Variants in DENND2A observed in about 807,000 individuals in gnomAD.
DENND2A encodes DENN domain-containing protein 2A.
In DENND2A, 53 loss-of-function variants were observed where a neutral mutation model predicts 105.3. The observed-to-expected ratio is 0.50, with a 90% CI of 0.40 to 0.63. The LOEUF (loss-of-function observed/expected upper bound fraction) is 0.63. Among genes scored for constraint, DENND2A ranks in the 30% least tolerant of loss-of-function variants. The pLI, the probability that DENND2A is intolerant of heterozygous loss-of-function variation, is 0.00. For synonymous variants in DENND2A, 522 were observed against 508.4 expected (o/e 1.03, Z -0.36); for missense variants, 1,138 against 1,279.6 (o/e 0.89, Z 1.69).
intron 11 of DENND2A, among the ~76,000 whole-genome samples, chr7:140,556,695 AC>A (rs1314418426): frequency 1.3e-5 from 2 of 151,934 alleles, no homozygotes; most frequent in African/African-American, 2.4e-5. Context: ...TATCTCACTT[AC>A]CTTTTTCAAT....
chr7:140,633,366 G>T (rs545516469), intron 1 of DENND2A, among the ~76,000 whole-genome samples: 1 of 151,950 alleles, frequency 6.6e-6, no homozygotes, highest in South Asian at 2.1e-4. Context: ...GTTTGGCCAG[G>T]CTGGTCTCAA....
chr7:140,535,081 C>T (rs1796411642), intron 14 of DENND2A, among the ~76,000 whole-genome samples: 1 of 152,148 alleles, frequency 6.6e-6, no homozygotes. Flanking sequence ...ACTTGGTGTT[C>T]CTATGCTCAG....
At chr7:140,557,935 G>T (rs556546047) in intron 11 of DENND2A, among the ~76,000 whole-genome samples, 6 of 152,112 alleles carry the variant, frequency 3.9e-5, no homozygotes, top group Admixed American at 3.3e-4. Flanking sequence ...TACTCCCAAA[G>T]TGCTGGGTTT....
chr7:140,579,719 G>A (rs972641998), intron 5 of DENND2A, among the ~76,000 whole-genome samples: 1 of 152,100 alleles, frequency 6.6e-6, no homozygotes, highest in Non-Finnish European at 1.5e-5. Flanking sequence ...CACACCACAC[G>A]AGATGTGTGT....
At chr7:140,556,846 C>A (rs1346395738) in intron 11 of DENND2A, among the ~76,000 whole-genome samples, 1 of 152,060 alleles carries the variant, frequency 6.6e-6, no homozygotes, top group Non-Finnish European at 1.5e-5. Context: ...AAAGATTCAC[C>A]ATTACTGAAG....
rs1283881636 is a variant in DENND2A at position 140,585,701 on chromosome 7, A to G, written c.1133T>C (p.Met378Thr). 9 of 1,614,174 alleles carry G rather than the reference A, an allele frequency of 5.6e-6. No individual in the cohort carries two copies. Among genetic ancestry groups the G allele is most frequent in the South Asian group, 2.2e-5 (2 of 91,068 alleles). The part of the protein sequence containing the change: ...NVYEDILDPP[M>T]KENPYEDIEL... ...GATGTCCTCATAAGGGTTCTCCTTC[A>G]TTGGCGGATCTGTGTTCAAAGGCAA... The change falls in exon 5 of 20, where the codon ATG (methionine) becomes ACG (threonine). Residue 378 changes from methionine to threonine, a missense_variant. By Grantham distance (81) the Met-to-Thr change is moderately conservative. Coordinates refer to ENST00000496613, the MANE Select transcript of DENND2A (RefSeq NM_015689.5).
intron 3 of DENND2A, among the ~76,000 whole-genome samples, chr7:140,593,835 C>T (rs564016709): frequency 4.5e-4 from 68 of 152,328 alleles, no homozygotes; most frequent in African/African-American, 1.6e-3. Context: ...CCTCACCGCA[C>T]CTGCCCATTG....
intron 1 of DENND2A, among the ~76,000 whole-genome samples, chr7:140,634,620 C>T (rs1385278737): frequency 6.6e-6 from 1 of 152,048 alleles, no homozygotes; most frequent in Non-Finnish European, 1.5e-5. Context: ...CCTGTAATTC[C>T]AGCACTTTGG....
At chr7:140,596,069 A>G (rs1020390411) in intron 3 of DENND2A, among the ~76,000 whole-genome samples, 1 of 152,178 alleles carries the variant, frequency 6.6e-6, no homozygotes, top group Non-Finnish European at 1.5e-5. Flanking sequence ...GATCACTCAC[A>G]GGGTTTCTGC....
chr7:140,569,609 T>C (rs749381157), intron 7 of DENND2A, 36 bp downstream of exon 7: 3 of 1,421,970 alleles, frequency 2.1e-6, no homozygotes, highest in South Asian at 2.3e-5. Context: ...TCTTTTCCGA[T>C]TCTTGCGGGA....
At chr7:140,592,414 T>C (rs1799094834) in intron 3 of DENND2A, among the ~76,000 whole-genome samples, 2 of 151,736 alleles carry the variant, frequency 1.3e-5, no homozygotes, top group Non-Finnish European at 2.9e-5. Flanking sequence ...GGTTTCACCG[T>C]GTTAGCCAGG....
intron 9 of DENND2A, among the ~76,000 whole-genome samples, chr7:140,560,932 A>G (rs1324316502): frequency 1.3e-5 from 2 of 150,056 alleles, no homozygotes; most frequent in African/African-American, 2.4e-5. Flanking sequence ...AGACGCTAAG[A>G]AAAAAAAAAG....
In DENND2A at chr7:140,559,615, G is replaced by T; in HGVS notation, c.1889+93C>A. 1 of 885,646 alleles carries T rather than the reference G, an allele frequency of 1.1e-6. No homozygotes were observed. The highest frequency in any genetic ancestry group is 1.8e-6 in the Non-Finnish European group (1 of 548,892). 54.9% of individuals were successfully genotyped at this position (885,646 alleles called of 1,614,324 possible). ...CCAGGCCCATCAGGATTACTTAACG[G>T]TGGGAATGACTCATGTGGTCTGCCA... On this transcript the variant is annotated intron_variant, in intron 10 of 19. Transcript: ENST00000496613. The surrounding 1 kb of genome is among the most constrained non-coding windows in gnomAD (Gnocchi z 4.1).
At chr7:140,637,311 C>T (rs988125373) in intron 1 of DENND2A, among the ~76,000 whole-genome samples, 3 of 152,326 alleles carry the variant, frequency 2.0e-5, no homozygotes, top group African/African-American at 7.2e-5. Flanking sequence ...TACTGAATGT[C>T]AATTTACGAC....
intron 14 of DENND2A, 95 bp downstream of exon 14, chr7:140,544,523 C>T (rs1164311609): frequency 1.3e-6 from 2 of 1,527,948 alleles, no homozygotes; most frequent in Non-Finnish European, 1.8e-6. Context: ...GAAGGGCTTA[C>T]TCTTCAATGC....
chr7:140,592,475 T>G (rs946412534), intron 3 of DENND2A, among the ~76,000 whole-genome samples: 1 of 152,096 alleles, frequency 6.6e-6, no homozygotes, highest in African/African-American at 2.4e-5. Context: ...CCTCCCAAAG[T>G]GCTGGGATTA....
chr7:140,635,739 T>C lies in DENND2A; in HGVS notation c.-248+4765A>G, dbSNP rs144198075. 1.6e-4 allele frequency among the ~76,000 whole-genome samples: 25 copies of C among 152,290 alleles called. 1 individual carries two copies. Among genetic ancestry groups the C allele is most frequent in the Non-Finnish European group, 5.9e-5 (4 of 68,018 alleles). The stretch of plus-strand genomic sequence containing the variant: ...GTGGGTCTCAGGCTTATCTGTTCTT[T>C]AGCCCCTCTGAACTGCAAGCCAGGG... On this transcript the variant is annotated intron_variant, in intron 1 of 19. Coordinates refer to ENST00000496613, the MANE Select transcript of DENND2A (RefSeq NM_015689.5).
At chr7:140,590,731 G>T (rs1183993844) in intron 3 of DENND2A, among the ~76,000 whole-genome samples, 1 of 152,084 alleles carries the variant, frequency 6.6e-6, no homozygotes, top group African/African-American at 2.4e-5. Flanking sequence ...AATTAGCTGG[G>T]CATGGTGGCA....
At chr7:140,613,167 G>A (rs1045097860) in intron 1 of DENND2A, among the ~76,000 whole-genome samples, 2 of 151,874 alleles carry the variant, frequency 1.3e-5, no homozygotes, top group African/African-American at 4.8e-5. Context: ...TGTAGTCCCT[G>A]CTACTGGAGG....
Sources: gnomAD v4.1 joint callset for allele counts (sites outside exome capture counted in the v4.1 genomes callset) on GRCh38, gnomAD v4.1.1 for gene constraint, Gnocchi (gnomAD v3.1) non-coding constraint, MANE v1.5 for transcripts, NCBI Gene and HGNC (gene_info 2026-07-23, HGNC 2026-07-21) for gene names.